The following GUCY1A2 variants were observed in gnomAD, a reference collection of about 807,000 sequenced individuals.
The protein encoded by GUCY1A2 is guanylate cyclase soluble subunit alpha-2.
Under a neutral mutation model 63.5 loss-of-function variants are expected in GUCY1A2, and 27 were observed. That is an observed-to-expected ratio of 0.43 (90% CI 0.31 to 0.59). The LOEUF (loss-of-function observed/expected upper bound fraction) is 0.59, where lower values mean the gene tolerates loss of function less well. GUCY1A2 is among the 20% of genes least tolerant of loss of function. GUCY1A2 has a pLI of 0.11. For missense variants in GUCY1A2, 768 were observed against 913.3 expected (o/e 0.84, Z 2.05); for synonymous variants, 364 against 343.5 (o/e 1.06, Z -0.66).
intron 4 of GUCY1A2, among the ~76,000 whole-genome samples, chr11:106,867,584 A>C (rs998599082): frequency 2.0e-5 from 3 of 152,106 alleles, no homozygotes; most frequent in Non-Finnish European, 2.9e-5. Context: ...GCATCTTATA[A>C]CATATTTAAT....
chr11:106,718,033 TGGCATTTTTCTTTTTATCAGAG>T lies in GUCY1A2; in HGVS notation c.1837-9389_1837-9368del, dbSNP rs368630064. ...GGGTGAAATAATTTCTGTGGCTATG[TGGCATTTTTCTTTTTATCAGAG>T]GACTCAGCCTCCAGTCTGATGGTGT... On this transcript the variant is annotated intron_variant, in intron 6 of 7. Transcript: ENST00000526355. 7.8e-4 allele frequency among the ~76,000 whole-genome samples: 119 copies of T among 152,276 alleles called. 1 individual carries two copies. Among genetic ancestry groups the T allele is most frequent in the Middle Eastern group, 3.4e-3 (1 of 294 alleles).
intron 4 of GUCY1A2, among the ~76,000 whole-genome samples, chr11:106,848,689 G>T (rs1253970495): frequency 1.3e-5 from 2 of 151,558 alleles, no homozygotes; most frequent in Non-Finnish European, 3.0e-5. Context: ...TTGAGAGAAG[G>T]ACAGACATTC....
Position 106,940,061 on chromosome 11 carries a change from C to A in GUCY1A2, c.605G>T (p.Gly202Val), listed in dbSNP as rs1209272981. 3.9e-5 allele frequency: 63 copies of A among 1,613,530 alleles called. 1 individual carries two copies. In the Admixed American group the frequency reaches 1.0e-3, roughly 26 times the overall value. The change falls in exon 4 of 8, where the codon GGC (glycine) becomes GTC (valine). Residue 202 changes from glycine (G) to valine (V), a missense_variant. This residue lies in a region of GUCY1A2 where 496 missense variants were observed against 486.9 expected (regional missense o/e 1.02). Transcript: ENST00000526355. ...AATGTGTTCCAACAAAGCATCAAAG[C>A]CGTTAAAAAAGTCCTGCAAAGTGCC... is the stretch of plus-strand genomic sequence containing the variant. ...VGGTLQDFFN[G>V]FDALLEHIRT...
chr11:106,984,904 A>G, intron 2 of GUCY1A2, among the ~76,000 whole-genome samples: 1 of 152,176 alleles, frequency 6.6e-6, no homozygotes, highest in East Asian at 1.9e-4. Context: ...AGTTTAAATA[A>G]TATGTTTTTC....
In GUCY1A2 at chr11:106,681,500, T is replaced by C. The variant is rs1402184952; in HGVS notation, c.*6049A>G. ...AATACACAAATCTCTTTGACAGGAA[T>C]AGAAATCATATTTTTATAGCCATGT... is the stretch of plus-strand genomic sequence containing the variant. On this transcript the variant is annotated 3_prime_UTR_variant, in exon 8 of 8. Coordinates refer to ENST00000526355, the MANE Select transcript of GUCY1A2 (RefSeq NM_000855.3). The C allele has an allele frequency of 4.5e-6, 1 of 220,142 alleles. No homozygotes were observed. Among genetic ancestry groups the C allele is most frequent in the East Asian group, 6.6e-5 (1 of 15,158 alleles). The allele number at this position is 220,142 out of a possible 1,614,324, so 13.6% of individuals were successfully genotyped here.
intron 6 of GUCY1A2, among the ~76,000 whole-genome samples, chr11:106,748,038 A>G (rs1010931852): frequency 2.6e-5 from 4 of 152,246 alleles, no homozygotes; most frequent in African/African-American, 9.6e-5. Flanking sequence ...GGGATTTCCC[A>G]TATTCTTAAG....
chr11:106,852,009 T>A (rs886511133), intron 4 of GUCY1A2, among the ~76,000 whole-genome samples: 1 of 152,162 alleles, frequency 6.6e-6, no homozygotes, highest in African/African-American at 2.4e-5. Context: ...TTTGTTTGAG[T>A]CCTCTTCAAT....
intron 4 of GUCY1A2, among the ~76,000 whole-genome samples, chr11:106,921,706 A>G (rs1591328392): frequency 6.6e-6 from 1 of 152,220 alleles, no homozygotes; most frequent in East Asian, 1.9e-4. Context: ...GTGTCTATAA[A>G]ATGCTTATTC....
intron 2 of GUCY1A2, among the ~76,000 whole-genome samples, chr11:106,979,283 G>A (rs1291511710): frequency 6.6e-6 from 1 of 151,840 alleles, no homozygotes; most frequent in Non-Finnish European, 1.5e-5. Context: ...GTGAAACCCC[G>A]TCTCTACTAA....
At chr11:106,827,830 C>T (rs1043879357) in intron 4 of GUCY1A2, 5 of 1,599,682 alleles carry the variant, frequency 3.1e-6, no homozygotes, top group Non-Finnish European at 4.3e-6. Context: ...GTGACGCCCG[C>T]GATGCCGCCG....
intron 6 of GUCY1A2, among the ~76,000 whole-genome samples, chr11:106,772,539 T>C (rs1235552519): frequency 6.6e-6 from 1 of 152,220 alleles, no homozygotes; most frequent in Non-Finnish European, 1.5e-5. Flanking sequence ...GGTGGTTTAT[T>C]ATTTTGAATT....
chr11:106,904,006 T>C (rs1860170277), intron 4 of GUCY1A2, among the ~76,000 whole-genome samples: 1 of 152,196 alleles, frequency 6.6e-6, no homozygotes, highest in Non-Finnish European at 1.5e-5. Context: ...AGAATTATAC[T>C]CTGCTTCACT....
rs959888729 is a variant in GUCY1A2 at position 106,877,245 on chromosome 11, A to G, written c.1206+62215T>C. 4.6e-5 allele frequency among the ~76,000 whole-genome samples: 7 copies of G among 152,066 alleles called. No homozygotes were observed. In the South Asian group the frequency reaches 1.2e-3, roughly 27 times the overall value. On this transcript the variant is annotated intron_variant, in intron 4 of 7. Coordinates refer to ENST00000526355, the MANE Select transcript of GUCY1A2 (RefSeq NM_000855.3). ...GCTGCGACTACAGGGTTTTCTAGGT[A>G]TAGGATCAAGTCATCTGCAAACAGG... is the stretch of plus-strand genomic sequence containing the variant.
chr11:106,856,058 T>TG (rs1859429145), intron 4 of GUCY1A2, among the ~76,000 whole-genome samples: 1 of 151,712 alleles, frequency 6.6e-6, no homozygotes, highest in South Asian at 2.1e-4. Context: ...CCCAAGTAGC[T>TG]GGGACTACAG....
chr11:106,716,714 A>G (rs924794869), intron 6 of GUCY1A2, among the ~76,000 whole-genome samples: 2 of 135,956 alleles, frequency 1.5e-5, no homozygotes, highest in Non-Finnish European at 3.0e-5. Flanking sequence ...GCTTGTAGTG[A>G]GCCGAGATCA....
At chr11:106,789,474 A>G (rs995463809) in intron 5 of GUCY1A2, among the ~76,000 whole-genome samples, 1 of 152,176 alleles carries the variant, frequency 6.6e-6, no homozygotes, top group African/African-American at 2.4e-5. Context: ...CTGTTTCTCC[A>G]GGATTAGTCG....
intron 5 of GUCY1A2, among the ~76,000 whole-genome samples, chr11:106,786,255 T>C (rs1864554370): frequency 6.6e-6 from 1 of 152,104 alleles, no homozygotes; most frequent in Non-Finnish European, 1.5e-5. Context: ...CAAAACAGCC[T>C]CTTCATTCTT....
chr11:107,012,250 C>T (rs1180823965), intron 1 of GUCY1A2, among the ~76,000 whole-genome samples: 4 of 109,968 alleles, frequency 3.6e-5, no homozygotes, highest in African/African-American at 1.5e-4. Context: ...AAATACAGTG[C>T]TTCTTATTAC....
intron 4 of GUCY1A2, among the ~76,000 whole-genome samples, chr11:106,886,820 C>T (rs1389299327): frequency 6.6e-6 from 1 of 152,122 alleles, no homozygotes; most frequent in Non-Finnish European, 1.5e-5. Flanking sequence ...TAAATTTGAT[C>T]TTATCACAGT....
Sources: allele counts gnomAD v4.1 joint callset (sites outside exome capture counted in the v4.1 genomes callset), GRCh38; gene constraint gnomAD v4.1.1; regional missense constraint gnomAD v4.1.1; transcripts MANE v1.5; gene names NCBI Gene and HGNC (gene_info 2026-07-23, HGNC 2026-07-21).